The following PKD2 variants were observed in gnomAD, a reference collection of about 807,000 sequenced individuals.
The protein encoded by PKD2 is polycystin-2.
A neutral mutation model predicts 105.9 loss-of-function variants in PKD2; 48 were observed. That is an observed-to-expected ratio of 0.45 (90% CI 0.36 to 0.58). The LOEUF is 0.58. Ranked by LOEUF, PKD2 falls within the 20% of genes least tolerant of loss-of-function variation. The probability of loss-of-function intolerance (pLI) is 0.00; values close to 1 mark genes in which losing one functional copy is unlikely to be tolerated. For missense variants in PKD2, 1,078 were observed against 1,255.3 expected, an observed-to-expected ratio of 0.86 and a Z score of 2.13; for synonymous variants, 464 against 481.1, an observed-to-expected ratio of 0.96 and a Z score of 0.46.
intron 2 of PKD2, 42 bp from the exon 3 acceptor site, chr4:88,036,178 C>T (rs774382616): frequency 6.2e-6 from 10 of 1,613,392 alleles, no homozygotes; most frequent in African/African-American, 2.7e-5. Context: ...GAATGTGTGC[C>T]GGTTCCCTTG....
chr4:88,019,631 A>C, intron 2 of PKD2, 60 bp downstream of exon 2: 1 of 929,288 alleles, frequency 1.1e-6, no homozygotes, highest in Non-Finnish European at 1.8e-6. Flanking sequence ...ACCTATCCAA[A>C]TCATAATTAA....
intron 2 of PKD2, among the ~76,000 whole-genome samples, chr4:88,029,472 C>A (rs1309405764): frequency 6.6e-6 from 1 of 152,070 alleles, no homozygotes; most frequent in African/African-American, 2.4e-5. Context: ...ACTCATCTCC[C>A]ACCCATCTAT....
At chr4:88,057,584 C>T (rs757769969) in intron 8 of PKD2, among the ~76,000 whole-genome samples, 18 of 151,932 alleles carry the variant, frequency 1.2e-4, no homozygotes, top group Middle Eastern at 3.4e-3. Context: ...TATGGGCGCA[C>T]GCCACCAAGC....
Position 88,075,549 on chromosome 4 carries a change from C to T in PKD2, c.2762C>T (p.Ala921Val), listed in dbSNP as rs545898956. Residue 921 changes from alanine (A) to valine (V), a missense_variant, in exon 15 of 15, where the codon GCA (alanine) becomes GTA (valine). This residue lies in a region of PKD2 where 868 missense variants were observed against 1,067.3 expected (regional missense o/e 0.81). Coordinates refer to ENST00000237596, the MANE Select transcript of PKD2 (RefSeq NM_000297.4). The part of the protein sequence containing the change: ...EELERWESDD[A>V]ASQISHGLGT... ...TTGGAACGCTGGGAATCCGATGATG[C>T]AGCTTCCCAGATCAGTCATGGTTTA... is the stretch of plus-strand genomic sequence containing the variant. The T allele has an allele frequency of 5.0e-6, 8 of 1,614,070 alleles. No individual in the cohort carries two copies. In the Admixed American group the frequency reaches 1.2e-4, roughly 24 times the overall value.
intron 2 of PKD2, among the ~76,000 whole-genome samples, chr4:88,033,154 C>A (rs982949627): frequency 2.6e-5 from 4 of 152,014 alleles, no homozygotes; most frequent in Non-Finnish European, 4.4e-5. Context: ...AGGCTGGGCG[C>A]GGTGGCTCAC....
chr4:88,022,121 C>T (rs1726773710), intron 2 of PKD2, among the ~76,000 whole-genome samples: 1 of 152,226 alleles, frequency 6.6e-6, no homozygotes, highest in Non-Finnish European at 1.5e-5. Context: ...TCACCAAAAA[C>T]TGTGAAGCAC....
chr4:88,025,809 T>C (rs1726940819), intron 2 of PKD2, among the ~76,000 whole-genome samples: 2 of 151,956 alleles, frequency 1.3e-5, no homozygotes, highest in Admixed American at 1.3e-4. Context: ...AGTGAGTGAG[T>C]TCTCATGAAA....
chr4:88,011,362 T>C (rs1377969986), intron 1 of PKD2, among the ~76,000 whole-genome samples: 1 of 151,446 alleles, frequency 6.6e-6, no homozygotes, highest in Non-Finnish European at 1.5e-5. Context: ...TATGAAGTAC[T>C]AGCTGTGCAA....
At chr4:88,029,372 A>G (rs970108530) in intron 2 of PKD2, among the ~76,000 whole-genome samples, 2 of 152,176 alleles carry the variant, frequency 1.3e-5, no homozygotes, top group African/African-American at 4.8e-5. Flanking sequence ...CGTCCCACTC[A>G]TGAGCTCTGA....
chr4:88,062,297 C>T (rs1157018714), intron 10 of PKD2, among the ~76,000 whole-genome samples: 1 of 152,136 alleles, frequency 6.6e-6, no homozygotes, highest in Non-Finnish European at 1.5e-5. Context: ...TTTGACATCT[C>T]CTGTAGCTGG....
chr4:88,064,268 ATAT>A (rs1281032680), intron 10 of PKD2, among the ~76,000 whole-genome samples: 3 of 152,238 alleles, frequency 2.0e-5, no homozygotes, highest in South Asian at 2.1e-4. Context: ...GTACAGTGTA[ATAT>A]TATACAATGA....
intron 13 of PKD2, among the ~76,000 whole-genome samples, chr4:88,071,914 G>C (rs1194828626): frequency 6.6e-6 from 1 of 150,402 alleles, no homozygotes; most frequent in African/African-American, 2.5e-5. Flanking sequence ...GATGTAATTT[G>C]CTCCACAGTC....
rs751716212 is a variant in PKD2, at chr4:88,065,506, T to C, written c.2240+11T>C. 1.9e-6 allele frequency: 3 copies of C among 1,613,442 alleles called. No homozygotes were observed. In the South Asian group the frequency reaches 3.3e-5, roughly 18 times the overall value. On this transcript the variant is annotated intron_variant, in intron 11 of 14. Coordinates refer to ENST00000237596, the MANE Select transcript of PKD2 (RefSeq NM_000297.4). ...ACAAGATCTCAAAGGGTGAGAATCA[T>C]GCTTCCTGAGGTTCTGAAAAATTCC...
intron 1 of PKD2, 96 bp downstream of exon 1, chr4:88,008,424 C>T: frequency 7.1e-7 from 1 of 1,399,706 alleles, no homozygotes; most frequent in Admixed American, 2.6e-5. Flanking sequence ...CGGGCTCCAT[C>T]TCGCATCCCC....
At chr4:88,056,692 A>T (rs1186922770) in intron 8 of PKD2, among the ~76,000 whole-genome samples, 1 of 152,258 alleles carries the variant, frequency 6.6e-6, no homozygotes, top group Non-Finnish European at 1.5e-5. Context: ...TCAGACCAGT[A>T]CAAGAATTTT....
At chr4:88,024,394 T>C (rs1282595683) in intron 2 of PKD2, among the ~76,000 whole-genome samples, 4 of 134,850 alleles carry the variant, frequency 3.0e-5, no homozygotes, top group Non-Finnish European at 4.6e-5. Context: ...GAAGCAGAGG[T>C]TGCAGTGAGC....
chr4:88,008,382 G>A, intron 1 of PKD2, 54 bp downstream of exon 1: 1 of 1,476,484 alleles, frequency 6.8e-7, no homozygotes, highest in South Asian at 1.3e-5. Flanking sequence ...GGCCGGCGCC[G>A]GCCGGGGCCA....
Position 88,056,122 on chromosome 4 carries a change from C to A in PKD2, c.1753C>A (p.Gln585Lys), listed in dbSNP as rs778193895. 6.2e-7 allele frequency: 1 copy of A among 1,613,576 alleles called. No homozygotes were observed. Among genetic ancestry groups the A allele is most frequent in the Non-Finnish European group, 8.5e-7 (1 of 1,179,552 alleles). Residue 585 changes from glutamine (Q) to lysine (K), a missense_variant, in exon 8 of 15, where the codon CAG becomes AAG. Gln to Lys is a moderately conservative substitution (Grantham distance 53). This residue lies in a region of PKD2 where 868 missense variants were observed against 1,067.3 expected (regional missense o/e 0.81). Coordinates refer to ENST00000237596, the MANE Select transcript of PKD2 (RefSeq NM_000297.4). Reference sequence around the variant, plus strand: ...CATCAATTTTAACAGGACCATGAGCCAGCTCTCGACAACCATGTCTCGATG... The same window carrying A: ...CATCAATTTTAACAGGACCATGAGCAAGCTCTCGACAACCATGTCTCGATG... ...KFINFNRTMS[Q>K]LSTTMSRCAK...
In PKD2 at chr4:88,075,633, C is replaced by T. The variant is rs749666891; in HGVS notation, c.2846C>T (p.Ser949Phe). The T allele has an allele frequency of 1.1e-4, 177 of 1,614,016 alleles. No individual in the cohort carries two copies. Among genetic ancestry groups the T allele is most frequent in the Non-Finnish European group, 1.5e-4 (172 of 1,180,018 alleles). Residue 949 changes from serine to phenylalanine, a missense_variant, in exon 15 of 15, where the codon TCC becomes TTC. Coordinates refer to ENST00000237596, the MANE Select transcript of PKD2 (RefSeq NM_000297.4). ...PRPRSSRPSSSQSTEGMEGAG... is the reference protein window; with the variant it reads ...PRPRSSRPSSFQSTEGMEGAG... ...CCCAGAAGCTCCCGCCCATCTTCCT[C>T]CCAATCTACAGAAGGCATGGAAGGT...
Sources: gnomAD v4.1 joint callset for allele counts (sites outside exome capture counted in the v4.1 genomes callset) on GRCh38, gnomAD v4.1.1 for gene constraint, gnomAD v4.1.1 regional missense constraint, MANE v1.5 for transcripts, NCBI Gene and HGNC (gene_info 2026-07-23, HGNC 2026-07-21) for gene names.